Variants in CRHBP observed in about 807,000 individuals in gnomAD.
CRHBP encodes the protein corticotropin releasing hormone binding protein.
In CRHBP, 19 loss-of-function variants were observed where a neutral mutation model predicts 34.9. The observed-to-expected ratio is 0.55, with a 90% CI of 0.38 to 0.80. CRHBP has a LOEUF of 0.80. Among genes scored for constraint, CRHBP ranks in the 30% least tolerant of loss-of-function variants. CRHBP has a pLI of 0.00. For synonymous variants in CRHBP, 154 were observed against 153.4 expected (o/e 1.00, Z -0.03); for missense variants, 328 against 409.2 (o/e 0.80, Z 1.71).
chr5:76,973,981 CGTTATT>C (rs978666138), downstream of CRHBP, among the ~76,000 whole-genome samples: 1 of 118,370 alleles, frequency 8.4e-6, no homozygotes, highest in African/African-American at 3.5e-5. Context: ...TTTTCTAAAT[CGTTATT>C]ATTATTATTA....
chr5:76,962,033 C>T lies in CRHBP; in HGVS notation c.694-1310C>T, dbSNP rs1047708079. On this transcript the variant is annotated intron_variant, in intron 5 of 6. Coordinates refer to ENST00000274368, the MANE Select transcript of CRHBP (RefSeq NM_001882.4). ...CCTCCCAAAGTGCTGGAATTACAGG[C>T]GTGAGCCACCATGCTGGTCAGTGCC... Among the ~76,000 whole-genome samples the T allele has an allele frequency of 3.8e-4, 58 of 152,242 alleles. 1 individual carries two copies. Among genetic ancestry groups the T allele is most frequent in the African/African-American group, 1.3e-3 (53 of 41,542 alleles).
intron 6 of CRHBP, among the ~76,000 whole-genome samples, chr5:76,966,947 T>C (rs114512211): frequency 0.014 from 2,074 of 152,260 alleles, 51 homozygotes; most frequent in African/African-American, 0.046. Context: ...AACTGTTTAA[T>C]GAAAAATAAA....
chr5:76,959,460 T>A (rs1040543339), intron 5 of CRHBP, among the ~76,000 whole-genome samples: 3 of 152,258 alleles, frequency 2.0e-5, no homozygotes, highest in African/African-American at 7.2e-5. Context: ...ATCAACTTGT[T>A]TTTGAATAAA....
In CRHBP at chr5:76,958,742, T is replaced by A; in HGVS notation, c.546T>A (p.Pro182=). Reference sequence around the variant, plus strand: ...AATTTCTTTTTCTTTTCTACAAAGCTTGCAATGTCATTTCTCAGACTCCAA... The same window carrying A: ...AATTTCTTTTTCTTTTCTACAAAGCATGCAATGTCATTTCTCAGACTCCAA... ...LTIKTDPNLF[P]CNVISQTPNG... The change falls in exon 5 of 7, where the codon CCT becomes CCA. Residue 182 remains proline, a splice_region_variant and synonymous_variant. Transcript: ENST00000274368. 1 of 1,605,562 alleles carries A rather than the reference T, an allele frequency of 6.2e-7. No homozygotes were observed. Among genetic ancestry groups the A allele is most frequent in the Non-Finnish European group, 8.5e-7 (1 of 1,178,090 alleles).
chr5:76,973,240 G>A (rs530997842), downstream of CRHBP, among the ~76,000 whole-genome samples: 1 of 152,258 alleles, frequency 6.6e-6, no homozygotes, highest in East Asian at 1.9e-4. Context: ...CAACTATCCA[G>A]ACAGGCCTGA....
intron 2 of CRHBP, 110 bp downstream of exon 2, chr5:76,953,804 G>A: frequency 7.9e-7 from 1 of 1,267,192 alleles, no homozygotes; most frequent in Non-Finnish European, 1.1e-6. Context: ...GGCCGGAACC[G>A]CCAGGGGCGC....
intron 3 of CRHBP, among the ~76,000 whole-genome samples, chr5:76,980,249 C>A (rs1482624661): frequency 9.8e-6 from 1 of 101,626 alleles, no homozygotes; most frequent in East Asian, 3.0e-4. Context: ...AGCGAGACTC[C>A]GTCTCAAAAA....
rs1002171124 is a variant in CRHBP, at chr5:76,955,954, G to A, written c.544+91G>A. 13 of 1,156,984 alleles carry A rather than the reference G, an allele frequency of 1.1e-5. 1 individual carries two copies. The Admixed American group carries it at 1.9e-4, about 17-fold the overall frequency. 71.7% of individuals were successfully genotyped at this position (1,156,984 alleles called of 1,614,324 possible). On this transcript the variant is annotated intron_variant, in intron 4 of 6. Coordinates refer to ENST00000274368, the MANE Select transcript of CRHBP (RefSeq NM_001882.4). ...GCACAGACTTAAAGAAATTTGAACT[G>A]AGGAATGATTTGAATGGAAATTTTT...
At chr5:76,974,191 A>G (rs908744667), downstream of CRHBP, among the ~76,000 whole-genome samples, 15 of 150,358 alleles carry the variant, frequency 1.0e-4, no homozygotes, top group African/African-American at 2.9e-4. Flanking sequence ...TAATTTTTGT[A>G]TTTTTAGTAG....
At chr5:76,955,924 T>C in intron 4 of CRHBP, 61 bp downstream of exon 4, 2 of 1,453,556 alleles carry the variant, frequency 1.4e-6, no homozygotes, top group South Asian at 1.3e-5. Context: ...GAAAGTAGTA[T>C]CATTGCACAG....
At chr5:76,968,637 T>C in intron 6 of CRHBP, 91 bp from the exon 7 acceptor site, 2 of 1,363,452 alleles carry the variant, frequency 1.5e-6, no homozygotes, top group Non-Finnish European at 2.0e-6. Flanking sequence ...GTCTCCTTGC[T>C]TTCATTATGT....
chr5:76,953,798 G>T, intron 2 of CRHBP, 104 bp downstream of exon 2: 1 of 1,293,636 alleles, frequency 7.7e-7, no homozygotes, highest in Non-Finnish European at 1.1e-6. Context: ...GGGGCTGGCC[G>T]GAACCGCCAG....
At chr5:76,978,863 A>G (rs1030596998) in intron 3 of CRHBP, among the ~76,000 whole-genome samples, 1 of 152,284 alleles carries the variant, frequency 6.6e-6, no homozygotes, top group African/African-American at 2.4e-5. Context: ...AGAGTTTGAT[A>G]AAATTAACTC....
chr5:76,966,928 T>C (rs1745868054), intron 6 of CRHBP, among the ~76,000 whole-genome samples: 1 of 152,216 alleles, frequency 6.6e-6, no homozygotes, highest in Admixed American at 6.5e-5. Flanking sequence ...AGAAAAAGAA[T>C]GACCTCCAAA....
At chr5:76,974,914 T>G (rs1342036673) in intron 2 of CRHBP, among the ~76,000 whole-genome samples, 9 of 152,230 alleles carry the variant, frequency 5.9e-5, no homozygotes, top group Non-Finnish European at 1.3e-4. Context: ...TAAATTGGAT[T>G]CTGGGCTTTG....
At chr5:76,958,960 G>A in intron 5 of CRHBP, 71 bp downstream of exon 5, 2 of 1,507,242 alleles carry the variant, frequency 1.3e-6, no homozygotes, top group Middle Eastern at 1.7e-4. Flanking sequence ...CAATCATATA[G>A]GGAAAACCTG....
At chr5:76,953,377 C>T in intron 1 of CRHBP, 162 bp downstream of exon 1, 2 of 826,034 alleles carry the variant, frequency 2.4e-6, no homozygotes, top group South Asian at 1.6e-5. Context: ...TCCCTCCTTG[C>T]CTCTGAGCAT....
intron 3 of CRHBP, 116 bp downstream of exon 3, chr5:76,954,302 T>G (rs1745630620): frequency 8.0e-7 from 1 of 1,257,690 alleles, no homozygotes; most frequent in Non-Finnish European, 1.1e-6. Context: ...TGGCACTTCT[T>G]AGACACTTCG....
At chr5:76,961,770 C>T (rs949520994) in intron 5 of CRHBP, among the ~76,000 whole-genome samples, 5 of 151,626 alleles carry the variant, frequency 3.3e-5, no homozygotes, top group South Asian at 2.1e-4. Context: ...TTTGTTTTTT[C>T]GGAGACAGAG....
Sources: allele counts gnomAD v4.1 joint callset (sites outside exome capture counted in the v4.1 genomes callset), GRCh38; gene constraint gnomAD v4.1.1; transcripts MANE v1.5; gene names NCBI Gene and HGNC (gene_info 2026-07-23, HGNC 2026-07-21).